SLC22A25: variants seen among roughly 807,000 people sequenced by gnomAD.
SLC22A25 encodes the protein solute carrier family 22 member 25, also known as MGI:2442751, MGI:2385316, MGI:3042283, MGI:3645714, MGI:3605624, MGI:2442750.
Under a neutral mutation model 45.9 loss-of-function variants are expected in SLC22A25, and 44 were observed. The observed-to-expected ratio is 0.96, with a 90% confidence interval of 0.75 to 1.23. The LOEUF is 1.23. Among genes scored for constraint, SLC22A25 ranks in the 50% most tolerant of loss-of-function variants. The pLI is 0.00. For synonymous variants in SLC22A25, 283 were observed against 238.6 expected, an observed-to-expected ratio of 1.19 and a Z score of -1.72; for missense variants, 800 against 666.4, an observed-to-expected ratio of 1.20 and a Z score of -2.21.
chr11:63,187,177 G>A (rs866719378), intron 7 of SLC22A25, among the ~76,000 whole-genome samples: 12 of 152,166 alleles, frequency 7.9e-5, no homozygotes, highest in Non-Finnish European at 1.0e-4. Flanking sequence ...CTACCCATGA[G>A]CATGGAATGT....
At chr11:63,202,227 C>T (rs1037606271) in intron 7 of SLC22A25, among the ~76,000 whole-genome samples, 3 of 151,970 alleles carry the variant, frequency 2.0e-5, no homozygotes, top group Non-Finnish European at 4.4e-5. Context: ...GTCATTTGGG[C>T]AGACACTGAG....
chr11:63,195,693 A>T (rs1590841430), intron 7 of SLC22A25, among the ~76,000 whole-genome samples: 3 of 152,176 alleles, frequency 2.0e-5, no homozygotes, highest in Non-Finnish European at 1.5e-5. Context: ...CAATTAAAAG[A>T]ACTAGAGAAA....
rs150974952 is a variant in SLC22A25, at chr11:63,200,465, TA to T, written c.831-16649del. ...AATAAAATTCAACATCCATTAATAT[TA>T]AAAAAAACTGTCAATAAACTAGGTA... On this transcript the variant is annotated intron_variant, in intron 7 of 11. Coordinates refer to ENST00000306494, the MANE Select transcript of SLC22A25 (RefSeq NM_199352.6). Among the ~76,000 whole-genome samples, 1,168 of 151,114 alleles carry T rather than the reference TA, an allele frequency of 7.7e-3. 17 individuals are homozygous for T. The highest frequency in any genetic ancestry group is 0.026 in the African/African-American group (1,059 of 41,158).
At chr11:63,240,012 G>T (rs1018703879) in intron 1 of SLC22A25, among the ~76,000 whole-genome samples, 5 of 152,142 alleles carry the variant, frequency 3.3e-5, no homozygotes, top group African/African-American at 1.2e-4. Context: ...ATCATGGAGT[G>T]TACTTACGCA....
chr11:63,164,434 TA>T (rs2087608723), intron 11 of SLC22A25, 91 bp downstream of exon 11: 1 of 1,101,838 alleles, frequency 9.1e-7, no homozygotes, highest in Non-Finnish European at 1.3e-6. Flanking sequence ...GTTTTTTAAC[TA>T]ACTTGTCTTG....
chr11:63,212,001 G>T (rs907475004), intron 7 of SLC22A25, among the ~76,000 whole-genome samples: 3 of 152,062 alleles, frequency 2.0e-5, no homozygotes, highest in Non-Finnish European at 4.4e-5. Flanking sequence ...TCAAAAAGTG[G>T]GCGAAGGATA....
intron 7 of SLC22A25, among the ~76,000 whole-genome samples, chr11:63,216,943 A>G (rs1281605478): frequency 6.6e-6 from 1 of 152,212 alleles, no homozygotes; most frequent in Non-Finnish European, 1.5e-5. Context: ...ACTAAAAATT[A>G]TTTGTTCTTT....
intron 5 of SLC22A25, among the ~76,000 whole-genome samples, chr11:63,221,673 CTTG>C (rs1408731971): frequency 6.6e-6 from 1 of 152,020 alleles, no homozygotes; most frequent in East Asian, 1.9e-4. Context: ...TTTGCCTGTG[CTTG>C]TTGTGTATTA....
At chr11:63,199,485 C>G (rs1345828174) in intron 7 of SLC22A25, among the ~76,000 whole-genome samples, 1 of 152,082 alleles carries the variant, frequency 6.6e-6, no homozygotes, top group Non-Finnish European at 1.5e-5. Flanking sequence ...CTTAGAACTA[C>G]AGAAGAGACA....
rs139227482 is a variant in SLC22A25, at chr11:63,158,940, C to T, written c.*4884G>A. Reference sequence around the variant, plus strand: ...CTCAGCCTCTGGTAATCATCCTTCTCTCTCTATGTCTATGAGTTCAATTGT... The same window carrying T: ...CTCAGCCTCTGGTAATCATCCTTCTTTCTCTATGTCTATGAGTTCAATTGT... On this transcript the variant is annotated 3_prime_UTR_variant, in exon 12 of 12. Coordinates refer to ENST00000306494, the MANE Select transcript of SLC22A25 (RefSeq NM_199352.6). Among the ~76,000 whole-genome samples, 2 of 152,270 alleles carry T rather than the reference C, an allele frequency of 1.3e-5. No individual in the cohort carries two copies. Among genetic ancestry groups the T allele is most frequent in the African/African-American group, 4.8e-5 (2 of 41,562 alleles).
At chr11:63,219,442 C>A (rs1180412835) in intron 5 of SLC22A25, among the ~76,000 whole-genome samples, 1 of 152,124 alleles carries the variant, frequency 6.6e-6, no homozygotes, top group Admixed American at 6.5e-5. Context: ...TTGTGGCAAA[C>A]AAAATGATTT....
intron 7 of SLC22A25, among the ~76,000 whole-genome samples, chr11:63,186,812 T>C (rs1038721599): frequency 5.9e-5 from 9 of 151,774 alleles, no homozygotes; most frequent in East Asian, 1.9e-4. Flanking sequence ...ATCCTTTCCC[T>C]ATTTCTTGTT....
chr11:63,203,492 T>A (rs138916079), intron 7 of SLC22A25, among the ~76,000 whole-genome samples: 8,085 of 151,678 alleles, frequency 0.053, 349 homozygotes, highest in Admixed American at 0.11. Context: ...AAACACAGCA[T>A]GAGAACTTCA....
intron 7 of SLC22A25, among the ~76,000 whole-genome samples, chr11:63,212,077 T>C (rs1237482816): frequency 6.6e-6 from 1 of 152,158 alleles, no homozygotes; most frequent in Non-Finnish European, 1.5e-5. Context: ...ATGCTCATCA[T>C]CACTGGCCAT....
chr11:63,177,947 A>G (rs2088174774), intron 9 of SLC22A25, among the ~76,000 whole-genome samples: 1 of 149,118 alleles, frequency 6.7e-6, no homozygotes, highest in Non-Finnish European at 1.5e-5. Flanking sequence ...ACTCTGTCTT[A>G]AAAGTGACAC....
chr11:63,189,415 C>T (rs560707844), intron 7 of SLC22A25, among the ~76,000 whole-genome samples: 2 of 152,262 alleles, frequency 1.3e-5, no homozygotes, highest in South Asian at 4.2e-4. Flanking sequence ...TCCTCCATCC[C>T]TTTATTTTGA....
At chr11:63,168,745 A>G (rs1393082821) in intron 9 of SLC22A25, among the ~76,000 whole-genome samples, 1 of 152,236 alleles carries the variant, frequency 6.6e-6, no homozygotes, top group Non-Finnish European at 1.5e-5. Context: ...ATCACATGTC[A>G]GGACATTATA....
chr11:63,177,469 A>G (rs754775012), intron 9 of SLC22A25, among the ~76,000 whole-genome samples: 6 of 151,986 alleles, frequency 3.9e-5, no homozygotes, highest in South Asian at 2.1e-4. Context: ...ATAGTCAACT[A>G]TAACTATTGT....
Position 63,238,867 on chromosome 11 carries a change from C to A in SLC22A25, c.-727G>T. ...GATGAAGTGACAACGTTTCTGTGGC[C>A]TCAGGTTTGAGTCCAGTGAGATAGA... On this transcript the variant is annotated 5_prime_UTR_variant, in exon 2 of 12. In the 5' UTR this introduces an upstream ATG that the reference lacks. Coordinates refer to ENST00000306494, the MANE Select transcript of SLC22A25 (RefSeq NM_199352.6). 1 of 247,698 alleles carries A rather than the reference C, an allele frequency of 4.0e-6. No homozygotes were observed. The highest frequency in any genetic ancestry group is 7.3e-5 in the South Asian group (1 of 13,728). 15.3% of individuals were successfully genotyped at this position (247,698 alleles called of 1,614,324 possible).
Sources: gnomAD v4.1 joint callset for allele counts (sites outside exome capture counted in the v4.1 genomes callset) on GRCh38, gnomAD v4.1.1 for gene constraint, MANE v1.5 for transcripts, NCBI Gene and HGNC (gene_info 2026-07-23, HGNC 2026-07-21) for gene names.